The following HSPG2 variants were observed in gnomAD, a reference collection of about 807,000 sequenced individuals.
The protein encoded by HSPG2 is heparan sulfate proteoglycan 2, also known as basement membrane-specific heparan sulfate proteoglycan core protein.
HSPG2 carries 278 observed loss-of-function variants against 526.6 expected under a neutral mutation model. That is an observed-to-expected ratio of 0.53 (90% CI 0.48 to 0.58). The LOEUF (loss-of-function observed/expected upper bound fraction) is 0.58, where lower values mean the gene tolerates loss of function less well. Among genes scored for constraint, HSPG2 ranks in the 20% least tolerant of loss-of-function variants. The pLI is 0.00. For synonymous variants in HSPG2, 2,465 were observed against 2,555.4 expected (o/e 0.96, Z 1.07); for missense variants, 5,354 against 6,099.5 (o/e 0.88, Z 4.07).
chr1:21,836,384 C>G (rs1215380196), intron 75 of HSPG2, among the ~76,000 whole-genome samples: 1 of 152,158 alleles, frequency 6.6e-6, no homozygotes, highest in Non-Finnish European at 1.5e-5. Flanking sequence ...TGCAATGGTG[C>G]GATCTTGGCT....
intron 80 of HSPG2, 52 bp downstream of exon 80, chr1:21,833,216 G>C: frequency 7.0e-7 from 1 of 1,422,132 alleles, no homozygotes; most frequent in South Asian, 1.2e-5. Flanking sequence ...GTTACTCCAC[G>C]AGGTCCCTCA....
At chr1:21,920,796 G>A (rs1241788386) in intron 1 of HSPG2, among the ~76,000 whole-genome samples, 1 of 152,188 alleles carries the variant, frequency 6.6e-6, no homozygotes, top group Non-Finnish European at 1.5e-5. Flanking sequence ...GCCAGCAGCA[G>A]GACCCAGCCC....
Position 21,878,663 on chromosome 1 carries a change from T to A in HSPG2, c.2472A>T (p.Arg824Ser). The A allele has an allele frequency of 5.0e-6, 8 of 1,613,920 alleles. No homozygotes were observed. The highest frequency in any genetic ancestry group is 6.8e-6 in the Non-Finnish European group (8 of 1,179,844). ...TGTCCAGGAAGCAAGTGTCTGAGAA[T>A]CTGCAGGTATCAAGTGGACAGGGCA... ...CPCPYIDASR[R>S]FSDTCFLDTD... Residue 824 changes from arginine to serine, a missense_variant and splice_region_variant, in exon 19 of 97, where the codon AGA (arginine) becomes AGT (serine). Physicochemically the swap from Arg to Ser is moderately radical, Grantham distance 110. Coordinates refer to ENST00000374695, the MANE Select transcript of HSPG2 (RefSeq NM_005529.7).
chr1:21,845,504 G>A (rs561742879), intron 64 of HSPG2, among the ~76,000 whole-genome samples: 11 of 152,112 alleles, frequency 7.2e-5, no homozygotes, highest in Admixed American at 5.9e-4. Context: ...TCAGCCTCTC[G>A]AGTAGTTAGG....
At chr1:21,908,213 T>C (rs1430796592) in intron 1 of HSPG2, 2 of 886,638 alleles carry the variant, frequency 2.3e-6, no homozygotes, top group East Asian at 2.4e-5. Context: ...AAAGGTGATA[T>C]TGTAGACATC....
chr1:21,875,734 C>T lies in HSPG2; in HGVS notation c.3197G>A (p.Arg1066Gln), dbSNP rs537872144. The T allele has an allele frequency of 9.5e-5, 153 of 1,605,094 alleles. No homozygotes were observed. In the East Asian group the frequency reaches 3.2e-3, roughly 33 times the overall value. ...CCGTGTGGCTGGCTGCCCATCGGGC[C>T]GCTGCCATGCTTGCTGCCAAGGAGA... ...IVPFREQAWQ[R>Q]PDGQPATREH... Residue 1066 changes from arginine (R) to glutamine (Q), a missense_variant, in exon 25 of 97, where the codon CGG (arginine) becomes CAG (glutamine). Arg to Gln is a conservative substitution (Grantham distance 43). Transcript: ENST00000374695.
intron 81 of HSPG2, among the ~76,000 whole-genome samples, 198 bp downstream of exon 81, chr1:21,832,297 C>A (rs2098007810): frequency 6.6e-6 from 1 of 152,208 alleles, no homozygotes; most frequent in Non-Finnish European, 1.5e-5. Flanking sequence ...CTGCAGCAGT[C>A]CCAAGTCTGA....
In HSPG2 at chr1:21,884,759, G is replaced by T. The variant is rs757728162; in HGVS notation, c.1507+8C>A. 3 of 1,613,216 alleles carry T rather than the reference G, an allele frequency of 1.9e-6. No individual in the cohort carries two copies. The highest frequency in any genetic ancestry group is 1.3e-5 in the African/African-American group (1 of 75,032). On this transcript the variant is annotated splice_region_variant and intron_variant, in intron 12 of 96. Transcript: ENST00000374695. ...CCACACCCGGTGACACCTGCCCTCCGGCAGTACCTCGTTGTGGGACGAGCT... is the reference window on the plus strand; with the variant it reads ...CCACACCCGGTGACACCTGCCCTCCTGCAGTACCTCGTTGTGGGACGAGCT...
chr1:21,855,343 G>A lies in HSPG2; in HGVS notation c.5958C>T (p.Thr1986=), dbSNP rs1485099082. The A allele has an allele frequency of 1.2e-6, 2 of 1,609,686 alleles. No individual in the cohort carries two copies. Among genetic ancestry groups the A allele is most frequent in the Non-Finnish European group, 1.7e-6 (2 of 1,178,688 alleles). The stretch of plus-strand genomic sequence containing the variant: ...TGCCCCCTTCCTTCCTCCAGGTGAT[G>A]GTGGCGCTAGGCACGCCTGCAGCCC... The part of the protein sequence containing the change: ...YCRAAGVPSA[T]ITWRKEGGSL... Residue 1986 remains threonine (T), a synonymous_variant, in exon 47 of 97, where the codon ACC becomes ACT. Coordinates refer to ENST00000374695, the MANE Select transcript of HSPG2 (RefSeq NM_005529.7).
At chr1:21,927,535 C>T (rs865795020) in intron 1 of HSPG2, among the ~76,000 whole-genome samples, 2 of 2,440 alleles carry the variant, frequency 8.2e-4, no homozygotes, top group Non-Finnish European at 0.083. Context: ...CATCCCCCAC[C>T]CCCCCCACTG....
rs980154989 is a variant in HSPG2 at position 21,824,701 on chromosome 1, C to T, written c.12665+3G>A. 2.4e-5 allele frequency: 38 copies of T among 1,613,596 alleles called. No individual in the cohort carries two copies. Among genetic ancestry groups the T allele is most frequent in the Non-Finnish European group, 3.2e-5 (38 of 1,179,872 alleles). ...CCATGGGCCCTTCCAATGCCAGTCTCACCTCCTGGAGAAGACATGGCCAGG... is the reference window on the plus strand; with the variant it reads ...CCATGGGCCCTTCCAATGCCAGTCTTACCTCCTGGAGAAGACATGGCCAGG... On this transcript the variant is annotated splice_donor_region_variant and intron_variant, in intron 92 of 96. Coordinates refer to ENST00000374695, the MANE Select transcript of HSPG2 (RefSeq NM_005529.7). The surrounding 1 kb of genome is among the most constrained non-coding windows in gnomAD (Gnocchi z 5.9).
chr1:21,836,738 C>T, intron 75 of HSPG2, 64 bp downstream of exon 75: 2 of 1,426,714 alleles, frequency 1.4e-6, no homozygotes, highest in African/African-American at 2.8e-5. Flanking sequence ...GGTGCTTTAA[C>T]TCTGCTCACT....
chr1:21,860,369 G>A (rs1032419005), intron 39 of HSPG2, 134 bp from the exon 40 acceptor site: 9 of 759,912 alleles, frequency 1.2e-5, no homozygotes, highest in African/African-American at 7.0e-5. Context: ...AAGCACTTTG[G>A]GGACCAGACA....
intron 57 of HSPG2, 108 bp downstream of exon 57, chr1:21,849,933 C>T (rs1638753988): frequency 5.0e-6 from 7 of 1,388,466 alleles, no homozygotes; most frequent in South Asian, 4.6e-5. Context: ...CTGCCTTGGC[C>T]TCCCAAAGTG....
At chr1:21,914,934 C>T (rs1363813298) in intron 1 of HSPG2, among the ~76,000 whole-genome samples, 2 of 152,222 alleles carry the variant, frequency 1.3e-5, no homozygotes, top group African/African-American at 4.8e-5. Flanking sequence ...TTGTCCCACT[C>T]AGCACCCAGA....
At chr1:21,888,199 G>C in intron 6 of HSPG2, 133 bp from the exon 7 acceptor site, 1 of 1,185,316 alleles carries the variant, frequency 8.4e-7, no homozygotes, top group Non-Finnish European at 1.2e-6. Flanking sequence ...GGCACAACGA[G>C]GGCAAGCAGC....
Position 21,842,234 on chromosome 1 carries a change from C to T in HSPG2, c.9052+5G>A. 6.2e-7 allele frequency: 1 copy of T among 1,613,580 alleles called. No homozygotes were observed. Among genetic ancestry groups the T allele is most frequent in the Non-Finnish European group, 8.5e-7 (1 of 1,179,896 alleles). ...CCCCTTGCCCATGGCATCTGCCATACTCACGGTAGGAAGACCCCTCACTGG... is the reference window on the plus strand; with the variant it reads ...CCCCTTGCCCATGGCATCTGCCATATTCACGGTAGGAAGACCCCTCACTGG... On this transcript the variant is annotated splice_donor_5th_base_variant and intron_variant, in intron 68 of 96. Transcript: ENST00000374695.
Position 21,828,339 on chromosome 1 carries a change from C to T in HSPG2, c.12325G>A (p.Glu4109Lys), listed in dbSNP as rs959991930. The change falls in exon 89 of 97, where the codon GAG (glutamate) becomes AAG (lysine). Residue 4109 changes from glutamate (E) to lysine (K), a missense_variant. Physicochemically the swap from Glu to Lys is moderately conservative, Grantham distance 56. Coordinates refer to ENST00000374695, the MANE Select transcript of HSPG2 (RefSeq NM_005529.7). This position sits in a 1 kb window ranked among gnomAD's most constrained non-coding sequence, Gnocchi z 6.0. ...IGQCYDSSPC[E>K]RQPCQHGATC... ...GCACCATGTTGGCAAGGCTGGCGCT[C>T]ACATGGGGAGCTATCATAGCATTGC... The T allele has an allele frequency of 1.2e-6, 2 of 1,613,686 alleles. No individual in the cohort carries two copies. Among genetic ancestry groups the T allele is most frequent in the East Asian group, 2.2e-5 (1 of 44,882 alleles).
In HSPG2 at chr1:21,842,074, A is replaced by G. The variant is rs1420945383; in HGVS notation, c.9121T>C (p.Phe3041Leu). The G allele has an allele frequency of 5.6e-6, 9 of 1,613,524 alleles. No individual in the cohort carries two copies. Among genetic ancestry groups the G allele is most frequent in the Non-Finnish European group, 6.8e-6 (8 of 1,180,018 alleles). The change falls in exon 69 of 97, where the codon TTC (phenylalanine) becomes CTC (leucine). Residue 3041 changes from phenylalanine to leucine, a missense_variant. Phe to Leu is a conservative substitution (Grantham distance 22). Transcript: ENST00000374695. ...STVQQGQDAS[F>L]KCLIHDGAAP... ...GCCCCGTCATGGATGAGGCACTTGA[A>G]GCTGGCATCCTGGCCCTGCTGCACG...
Sources: gnomAD v4.1 joint callset for allele counts (sites outside exome capture counted in the v4.1 genomes callset) on GRCh38, gnomAD v4.1.1 for gene constraint, Gnocchi (gnomAD v3.1) non-coding constraint, MANE v1.5 for transcripts, NCBI Gene and HGNC (gene_info 2026-07-23, HGNC 2026-07-21) for gene names.